The following COL18A1 variants were observed in gnomAD, a reference collection of about 807,000 sequenced individuals.
COL18A1 encodes collagen alpha-1(XVIII) chain.
A neutral mutation model predicts 168.0 loss-of-function variants in COL18A1; 133 were observed. The ratio of observed to expected loss-of-function variants is 0.79; its 90% CI spans 0.69 to 0.91. The LOEUF is 0.91. Among genes scored for constraint, COL18A1 ranks in the 40% least tolerant of loss-of-function variants. The pLI is 0.00. For synonymous variants in COL18A1, 949 were observed against 809.0 expected (o/e 1.17, Z -2.94); for missense variants, 2,126 against 1,925.4 (o/e 1.10, Z -1.95).
At chr21:45,455,480 T>A in intron 2 of COL18A1, 1 of 1,605,822 alleles carries the variant, frequency 6.2e-7, no homozygotes, top group Non-Finnish European at 8.5e-7. Context: ...TAGCCCCACC[T>A]CCAGGCACAG....
At chr21:45,495,593 T>C (rs2036501736) in intron 29 of COL18A1, 161 bp downstream of exon 29, 2 of 579,856 alleles carry the variant, frequency 3.4e-6, no homozygotes, top group Admixed American at 2.6e-5. Flanking sequence ...TGCACAGTCA[T>C]ACATGTCCAC....
intron 2 of COL18A1, among the ~76,000 whole-genome samples, chr21:45,448,842 ACT>A (rs1476557973): frequency 2.6e-5 from 4 of 152,038 alleles, no homozygotes; most frequent in African/African-American, 9.7e-5. Context: ...TAGTCTGTTG[ACT>A]CTGGAGCAGC....
chr21:45,445,444 C>T (rs775199955), intron 2 of COL18A1, among the ~76,000 whole-genome samples: 23 of 152,158 alleles, frequency 1.5e-4, no homozygotes, highest in Non-Finnish European at 2.1e-4. Context: ...TCAGTGTGGA[C>T]GTGTGTCTTC....
At chr21:45,479,996 C>T in intron 10 of COL18A1, 32 bp downstream of exon 10, 1 of 1,613,812 alleles carries the variant, frequency 6.2e-7, no homozygotes, top group African/African-American at 1.3e-5. Flanking sequence ...GGGCCCCTTC[C>T]TGTGTTGGCC....
chr21:45,419,380 C>T (rs767124899), intron 2 of COL18A1, among the ~76,000 whole-genome samples: 16 of 152,198 alleles, frequency 1.1e-4, no homozygotes, highest in Admixed American at 3.9e-4. Context: ...GACACGATGC[C>T]GTGTGTGGTG....
rs1165305931 is a variant in COL18A1 at position 45,511,117 on chromosome 21, C to T, written c.3700C>T (p.Leu1234=). 4 of 1,564,288 alleles carry T rather than the reference C, an allele frequency of 2.6e-6. No individual in the cohort carries two copies. The African/African-American group carries it at 5.5e-5, about 22-fold the overall frequency. ...CACACGGTTTCTCTTCCAGGACGAG[C>T]TGCTGTTTCCCAGCTGGGAGGCTCT... is the stretch of plus-strand genomic sequence containing the variant. ...AVPIVNLKDE[L]LFPSWEALFS... The change falls in exon 41 of 42, where the codon CTG becomes TTG. Residue 1234 remains leucine, a synonymous_variant. Coordinates refer to ENST00000651438, the MANE Select transcript of COL18A1 (RefSeq NM_001379500.1).
chr21:45,450,450 G>A (rs77553780), intron 2 of COL18A1, among the ~76,000 whole-genome samples: 321 of 152,332 alleles, frequency 2.1e-3, no homozygotes, highest in African/African-American at 7.2e-3. Context: ...TGAACAGCCC[G>A]GAGCCTCAAA....
rs144346023 is a variant in COL18A1, at chr21:45,412,297, C to T, written c.106+6824C>T. 6.7e-3 allele frequency among the ~76,000 whole-genome samples: 967 copies of T among 144,626 alleles called. 7 individuals are homozygous for T. The highest frequency in any genetic ancestry group is 9.6e-3 in the Non-Finnish European group (647 of 67,178). The allele number at this position is 144,626 out of a possible 152,430, so 94.9% of individuals were successfully genotyped here. A position where few individuals can be genotyped will look rare whatever the true frequency, so the allele number is the denominator to read the frequency against. On this transcript the variant is annotated intron_variant, in intron 2 of 41. Coordinates refer to ENST00000651438, the MANE Select transcript of COL18A1 (RefSeq NM_001379500.1). Reference sequence around the variant, plus strand: ...TGTTGCCCAGGCTGGAGTGCAGTGGCGTGATCTTGGCGCCCTGCAACCTCC... The same window carrying T: ...TGTTGCCCAGGCTGGAGTGCAGTGGTGTGATCTTGGCGCCCTGCAACCTCC...
At chr21:45,493,079 G>A in intron 24 of COL18A1, 84 bp from the exon 25 acceptor site, 2 of 1,355,722 alleles carry the variant, frequency 1.5e-6, no homozygotes, top group Non-Finnish European at 2.1e-6. Context: ...ATTGCGGGGG[G>A]CAGCTGTCGG....
In COL18A1 at chr21:45,468,925, C is replaced by G. The variant is rs1390881582; in HGVS notation, c.651+139C>G. 3.3e-6 allele frequency: 3 copies of G among 910,846 alleles called. No homozygotes were observed. The Admixed American group carries it at 8.6e-5, about 26-fold the overall frequency. The allele number at this position is 910,846 out of a possible 1,614,324, so 56.4% of individuals were successfully genotyped here. Reference sequence around the variant, plus strand: ...AGCTGTGGTCAGCCCGGGCCTCCAGCGCAGGCCTCCTGGGTTCTTGGCTGC... The same window carrying G: ...AGCTGTGGTCAGCCCGGGCCTCCAGGGCAGGCCTCCTGGGTTCTTGGCTGC... On this transcript the variant is annotated intron_variant, in intron 3 of 41. Coordinates refer to ENST00000651438, the MANE Select transcript of COL18A1 (RefSeq NM_001379500.1).
intron 2 of COL18A1, among the ~76,000 whole-genome samples, chr21:45,465,429 G>C (rs142935982): frequency 1.3e-5 from 2 of 152,332 alleles, no homozygotes; most frequent in South Asian, 2.1e-4. Context: ...TGTTTGTTCT[G>C]AGGCCGTTTT....
Position 45,452,530 on chromosome 21 carries a change from A to G in COL18A1, c.107-15712A>G, listed in dbSNP as rs551891310. ...ACGTGACGTGTGAGCATGCATGTACATATGTGATTGTGTATGCATGTGAGC... is the reference window on the plus strand; with the variant it reads ...ACGTGACGTGTGAGCATGCATGTACGTATGTGATTGTGTATGCATGTGAGC... On this transcript the variant is annotated intron_variant, in intron 2 of 41. Coordinates refer to ENST00000651438, the MANE Select transcript of COL18A1 (RefSeq NM_001379500.1). Among the ~76,000 whole-genome samples the G allele has an allele frequency of 5.1e-4, 78 of 151,606 alleles. 1 individual carries two copies. The highest frequency in any genetic ancestry group is 9.3e-4 in the Non-Finnish European group (63 of 67,958).
intron 13 of COL18A1, 42 bp downstream of exon 13, chr21:45,480,900 C>CT (rs1285637368): frequency 2.1e-5 from 33 of 1,579,348 alleles, no homozygotes; most frequent in Non-Finnish European, 2.7e-5. Context: ...GCCCTGTCTG[C>CT]TGGGAGTGAG....
intron 2 of COL18A1, chr21:45,407,928 T>C (rs2033166537): frequency 6.6e-6 from 1 of 152,256 alleles, no homozygotes; most frequent in Admixed American, 6.5e-5. Flanking sequence ...GTTCCGTGGG[T>C]GTGGCTCACC....
intron 14 of COL18A1, 88 bp downstream of exon 14, chr21:45,482,113 G>A (rs909874932): frequency 9.7e-7 from 1 of 1,032,884 alleles, no homozygotes; most frequent in Non-Finnish European, 1.5e-6. Flanking sequence ...CGCCCGTGAA[G>A]GGGAAATGCC....
At chr21:45,438,058 TCA>T (rs1166090720) in intron 2 of COL18A1, among the ~76,000 whole-genome samples, 10 of 46,946 alleles carry the variant, frequency 2.1e-4, no homozygotes, top group African/African-American at 3.1e-4. Context: ...CTGCACACAC[TCA>T]CACTCACACT....
At position 45,457,831 on chromosome 21, in the gene COL18A1, G is replaced by A. The variant is rs1025572696; in HGVS notation, c.107-10411G>A. 1.1e-4 allele frequency among the ~76,000 whole-genome samples: 17 copies of A among 152,198 alleles called. No individual in the cohort carries two copies. The highest frequency in any genetic ancestry group is 3.6e-4 in the African/African-American group (15 of 41,452). On this transcript the variant is annotated intron_variant, in intron 2 of 41. Coordinates refer to ENST00000651438, the MANE Select transcript of COL18A1 (RefSeq NM_001379500.1). This position sits in a 1 kb window ranked among gnomAD's most constrained non-coding sequence, Gnocchi z 4.6. ...CTTTGGGCTTTGGGACAGGGTTGGT[G>A]GGGGTTAGCAGCTGTGCCGGACCTG...
rs550860025 is a variant in COL18A1 at position 45,498,466 on chromosome 21, G to A, written c.2683+805G>A. 2.2e-4 allele frequency: 153 copies of A among 706,136 alleles called. No individual in the cohort carries two copies. The highest frequency in any genetic ancestry group is 2.1e-3 in the African/African-American group (120 of 56,964). The allele number at this position is 706,136 out of a possible 1,614,324, so 43.7% of individuals were successfully genotyped here. ...CGCCAGGGTCCCCTCTCGCCGCCAC[G>A]GTCCCCGCTCGCCGCCAGGGTCCCC... is the stretch of plus-strand genomic sequence containing the variant. On this transcript the variant is annotated intron_variant, in intron 32 of 41. Coordinates refer to ENST00000651438, the MANE Select transcript of COL18A1 (RefSeq NM_001379500.1). This position sits in a 1 kb window ranked among gnomAD's most constrained non-coding sequence, Gnocchi z 4.5.
At chr21:45,503,717 C>T (rs1018111039) in intron 32 of COL18A1, among the ~76,000 whole-genome samples, 1 of 151,468 alleles carries the variant, frequency 6.6e-6, no homozygotes, top group African/African-American at 2.4e-5. Context: ...AGCACACCAG[C>T]ATGGCACATG....
Sources: allele counts gnomAD v4.1 joint callset (sites outside exome capture counted in the v4.1 genomes callset), GRCh38; gene constraint gnomAD v4.1.1; non-coding constraint Gnocchi (gnomAD v3.1); transcripts MANE v1.5; gene names NCBI Gene and HGNC (gene_info 2026-07-23, HGNC 2026-07-21).